OPCML: variants seen among roughly 807,000 people sequenced by gnomAD.
OPCML encodes opioid binding protein/cell adhesion molecule like.
In OPCML, 13 loss-of-function variants were observed where a neutral mutation model predicts 37.8. The observed-to-expected ratio is 0.34, with a 90% confidence interval of 0.22 to 0.55. The LOEUF is 0.55. Among genes scored for constraint, OPCML ranks in the 20% least tolerant of loss-of-function variants. The probability of loss-of-function intolerance (pLI) is 0.91; values close to 1 mark genes in which losing one functional copy is unlikely to be tolerated. For synonymous variants in OPCML, 176 were observed against 168.8 expected (o/e 1.04, Z -0.33); for missense variants, 341 against 435.6 (o/e 0.78, Z 1.93).
At chr11:133,461,589 A>C (rs980828145) in intron 1 of OPCML, among the ~76,000 whole-genome samples, 1 of 151,940 alleles carries the variant, frequency 6.6e-6, no homozygotes, top group Non-Finnish European at 1.5e-5. Context: ...AAACCAAGGA[A>C]GCAAAAAACT....
At chr11:132,554,972 A>T (rs1393054547) in intron 3 of OPCML, among the ~76,000 whole-genome samples, 1 of 133,184 alleles carries the variant, frequency 7.5e-6, no homozygotes, top group Admixed American at 8.8e-5. Context: ...TTCTCTGATG[A>T]GAACACTATC....
At chr11:132,594,615 C>A (rs2096489635) in intron 3 of OPCML, among the ~76,000 whole-genome samples, 1 of 152,060 alleles carries the variant, frequency 6.6e-6, no homozygotes, top group South Asian at 2.1e-4. Flanking sequence ...GAATGCAATA[C>A]ATACCACATA....
chr11:132,681,626 G>T (rs1489741934), intron 2 of OPCML, among the ~76,000 whole-genome samples: 1 of 152,038 alleles, frequency 6.6e-6, no homozygotes, highest in Non-Finnish European at 1.5e-5. Context: ...ATTCCTCCGG[G>T]ATGCCGGACA....
At position 132,593,348 on chromosome 11, in the gene OPCML, C is replaced by T. The variant is rs116465966; in HGVS notation, c.379+63739G>A. Among the ~76,000 whole-genome samples, 873 of 152,256 alleles carry T rather than the reference C, an allele frequency of 5.7e-3. 2 individuals carry two copies. Among genetic ancestry groups the T allele is most frequent in the South Asian group, 0.012 (60 of 4,828 alleles). On this transcript the variant is annotated intron_variant, in intron 3 of 7. Coordinates refer to ENST00000524381, the MANE Select transcript of OPCML (RefSeq NM_001012393.5). ...AGGCAGGGGCACCTCACTCGGTTTC[C>T]TGTAGACCATGGCAAAGAGCATGCA...
intron 1 of OPCML, among the ~76,000 whole-genome samples, chr11:133,350,267 C>G (rs1035587407): frequency 6.6e-6 from 1 of 152,308 alleles, no homozygotes; most frequent in Admixed American, 6.5e-5. Context: ...TTTCTCTGTA[C>G]CCACACGCTA....
At chr11:133,288,838 T>C (rs1942376928) in intron 1 of OPCML, among the ~76,000 whole-genome samples, 1 of 152,180 alleles carries the variant, frequency 6.6e-6, no homozygotes. Context: ...GACTGGGGTG[T>C]CGGCCAAAGG....
chr11:133,255,432 GA>G (rs1376018601), intron 1 of OPCML, among the ~76,000 whole-genome samples: 1 of 150,508 alleles, frequency 6.6e-6, no homozygotes, highest in East Asian at 1.9e-4. Context: ...CCTGAGATTG[GA>G]AAAAAAAATC....
At chr11:133,426,805 A>G (rs7928140) in intron 1 of OPCML, among the ~76,000 whole-genome samples, 35,426 of 152,136 alleles carry the variant, frequency 0.23, 5,272 homozygotes, top group African/African-American at 0.42. Context: ...CGCCATTTTC[A>G]CATTCCCCAA....
Position 132,420,327 on chromosome 11 carries a change from A to G in OPCML, c.917-34T>C, listed in dbSNP as rs746045512. On this transcript the variant is annotated intron_variant, in intron 7 of 7. Transcript: ENST00000524381. ...GGGAGAGAGAGACAGACCCATTAGC[A>G]TACACCCAAGGACACCATAGTTCTT... 3.1e-6 allele frequency: 5 copies of G among 1,611,468 alleles called. No homozygotes were observed. In the East Asian group the frequency reaches 1.1e-4, roughly 36 times the overall value.
Position 132,420,042 on chromosome 11 carries a change from A to G in OPCML, c.*151T>C. 2.0e-6 allele frequency: 1 copy of G among 489,104 alleles called. No individual in the cohort carries two copies. Among genetic ancestry groups the G allele is most frequent in the Non-Finnish European group, 3.6e-6 (1 of 278,168 alleles). 30.3% of individuals were successfully genotyped at this position (489,104 alleles called of 1,614,324 possible). On this transcript the variant is annotated 3_prime_UTR_variant, in exon 8 of 8. Coordinates refer to ENST00000524381, the MANE Select transcript of OPCML (RefSeq NM_001012393.5). ...ACTCATTCAAGCTGGAAATAAAAGC[A>G]AACAAACAAATAAACAAAAACAAAA...
chr11:132,471,669 G>A (rs1426247315), intron 4 of OPCML, among the ~76,000 whole-genome samples: 2 of 152,186 alleles, frequency 1.3e-5, no homozygotes, highest in Non-Finnish European at 2.9e-5. Flanking sequence ...ATGAACTAGT[G>A]TCAGAGGAAA....
At chr11:132,983,545 A>G (rs1213587763) in intron 1 of OPCML, among the ~76,000 whole-genome samples, 1 of 152,022 alleles carries the variant, frequency 6.6e-6, no homozygotes, top group Non-Finnish European at 1.5e-5. Flanking sequence ...TGCACTGTCT[A>G]TGGTCCTGTC....
chr11:133,126,003 T>C (rs1005038863), intron 1 of OPCML, among the ~76,000 whole-genome samples: 14 of 150,526 alleles, frequency 9.3e-5, no homozygotes, highest in African/African-American at 3.2e-4. Flanking sequence ...TATATACATG[T>C]ATAGACACAT....
chr11:132,666,872 C>G lies in OPCML; in HGVS notation c.147-9553G>C, dbSNP rs573571149. The stretch of plus-strand genomic sequence containing the variant: ...ATGTCTGCATAGGTTTAACTATAGG[C>G]CTGTATTTTATGAGAATAGGCTGGA... On this transcript the variant is annotated intron_variant, in intron 2 of 7. Transcript: ENST00000524381. Among the ~76,000 whole-genome samples, 4 of 152,240 alleles carry G rather than the reference C, an allele frequency of 2.6e-5. No homozygotes were observed. In the South Asian group the frequency reaches 8.3e-4, roughly 32 times the overall value.
chr11:132,667,199 ATTTGT>A (rs1445237253), intron 2 of OPCML, among the ~76,000 whole-genome samples: 2 of 152,192 alleles, frequency 1.3e-5, no homozygotes, highest in Middle Eastern at 3.2e-3. Context: ...GTTGTTGCTT[ATTTGT>A]TTTAAGAGTA....
intron 3 of OPCML, among the ~76,000 whole-genome samples, chr11:132,638,548 T>C (rs1435694749): frequency 6.6e-6 from 1 of 152,178 alleles, no homozygotes; most frequent in African/African-American, 2.4e-5. Flanking sequence ...TAACCAGCTG[T>C]TGTTTTGGAG....
intron 1 of OPCML, chr11:133,118,458 C>T: frequency 1.0e-6 from 1 of 977,190 alleles, no homozygotes; most frequent in Non-Finnish European, 1.2e-6. Context: ...GGACTGAAAA[C>T]TGGAAAGGAG....
At chr11:132,906,285 G>C (rs1242135755) in intron 2 of OPCML, among the ~76,000 whole-genome samples, 1 of 152,152 alleles carries the variant, frequency 6.6e-6, no homozygotes, top group Non-Finnish European at 1.5e-5. Context: ...ATATCAATCA[G>C]TATTAAAAAT....
intron 4 of OPCML, among the ~76,000 whole-genome samples, chr11:132,508,167 A>G (rs1591479967): frequency 6.6e-6 from 1 of 152,212 alleles, no homozygotes; most frequent in African/African-American, 2.4e-5. Context: ...CGTTGATATC[A>G]GTTATTTTTA....
Sources: gnomAD v4.1 joint callset for allele counts (sites outside exome capture counted in the v4.1 genomes callset) on GRCh38, gnomAD v4.1.1 for gene constraint, MANE v1.5 for transcripts, NCBI Gene and HGNC (gene_info 2026-07-23, HGNC 2026-07-21) for gene names.